Variants in UGT1A3 observed in about 807,000 individuals in gnomAD.
UGT1A3 encodes the protein UDP-glucuronosyltransferase 1A3.
Under a neutral mutation model 41.0 loss-of-function variants are expected in UGT1A3, and 31 were observed. That is an observed-to-expected ratio of 0.76 (90% confidence interval 0.57 to 1.02). The LOEUF (loss-of-function observed/expected upper bound fraction) is 1.02. UGT1A3 is among the 50% of genes least tolerant of loss of function. The pLI, the probability that UGT1A3 is intolerant of heterozygous loss-of-function variation, is 0.00. For missense variants in UGT1A3, 737 were observed against 671.0 expected, an observed-to-expected ratio of 1.10 and a Z score of -1.09; for synonymous variants, 262 against 257.6, an observed-to-expected ratio of 1.02 and a Z score of -0.17.
At chr2:233,735,613 C>G (rs2078673556) in intron 1 of UGT1A3, among the ~76,000 whole-genome samples, 1 of 152,148 alleles carries the variant, frequency 6.6e-6, no homozygotes, top group African/African-American at 2.4e-5. Context: ...CATCGATAGT[C>G]TTTACAATTT....
intron 1 of UGT1A3, among the ~76,000 whole-genome samples, chr2:233,766,597 G>A (rs1228112720): frequency 6.6e-6 from 1 of 152,126 alleles, no homozygotes; most frequent in Non-Finnish European, 1.5e-5. Flanking sequence ...CCTCGCCAGG[G>A]ACCACACCCT....
intron 1 of UGT1A3, among the ~76,000 whole-genome samples, chr2:233,763,903 G>C (rs779915264): frequency 2.2e-4 from 34 of 152,300 alleles, no homozygotes; most frequent in Middle Eastern, 3.4e-3. Flanking sequence ...CAGAAGATTA[G>C]TGAGGACCAA....
At chr2:233,768,722 A>G (rs1461787067) in intron 4 of UGT1A3, among the ~76,000 whole-genome samples, 1 of 150,864 alleles carries the variant, frequency 6.6e-6, no homozygotes, top group Non-Finnish European at 1.5e-5. Flanking sequence ...AGCTGGGATT[A>G]CAGGTGTCCA....
intron 4 of UGT1A3, chr2:233,770,675 A>T (rs1188149827): frequency 6.6e-6 from 1 of 151,870 alleles, no homozygotes; most frequent in African/African-American, 2.4e-5. Flanking sequence ...AAAAAAAAAA[A>T]GAAGGTTCCA....
chr2:233,754,791 C>T (rs1377566295), intron 1 of UGT1A3: 10 of 1,204,840 alleles, frequency 8.3e-6, no homozygotes, highest in Non-Finnish European at 1.0e-5. Context: ...GGAACGAAAT[C>T]CTGTATCAAA....
chr2:233,765,029 G>A (rs1326471824), intron 1 of UGT1A3, among the ~76,000 whole-genome samples: 1 of 152,048 alleles, frequency 6.6e-6, no homozygotes, highest in Non-Finnish European at 1.5e-5. Flanking sequence ...CAGGAGTCCT[G>A]CTGTGCAAAT....
In UGT1A3 at chr2:233,752,740, G is replaced by C. The variant is rs146813256; in HGVS notation, c.868-14294G>C. Among the ~76,000 whole-genome samples, 785 of 152,256 alleles carry C rather than the reference G, an allele frequency of 5.2e-3. 4 individuals are homozygous for C. Among genetic ancestry groups the C allele is most frequent in the Non-Finnish European group, 8.2e-3 (561 of 68,032 alleles). On this transcript the variant is annotated intron_variant, in intron 1 of 4. Coordinates refer to ENST00000482026, the MANE Select transcript of UGT1A3 (RefSeq NM_019093.4). ...GGCAACAGCTACAGAGAGAGACCCTGTCTCTAAAACAAACAAACAAACAAA... is the reference window on the plus strand; with the variant it reads ...GGCAACAGCTACAGAGAGAGACCCTCTCTCTAAAACAAACAAACAAACAAA...
In UGT1A3 at chr2:233,769,791, G is replaced by A; in HGVS notation, c.1307+1352G>A. 5 of 1,267,464 alleles carry A rather than the reference G, an allele frequency of 3.9e-6. No individual in the cohort carries two copies. The South Asian group carries it at 8.7e-5, about 22-fold the overall frequency. The allele number at this position is 1,267,464 out of a possible 1,614,324, so 78.5% of individuals were successfully genotyped here. On this transcript the variant is annotated intron_variant, in intron 4 of 4. Transcript: ENST00000482026. The surrounding 1 kb of genome is among the most constrained non-coding windows in gnomAD (Gnocchi z 4.4). ...GATTGCTTGAGCCCAGAAGTTGGAG[G>A]CTGCTATGAGCCGTGATCATGCCAC...
chr2:233,755,274 G>T, intron 1 of UGT1A3: 1 of 734,282 alleles, frequency 1.4e-6, no homozygotes, highest in Non-Finnish European at 2.1e-6. Flanking sequence ...CACTATGCTG[G>T]ACTGCCAAAG....
At chr2:233,742,372 A>C (rs1691957505) in intron 1 of UGT1A3, among the ~76,000 whole-genome samples, 1 of 152,034 alleles carries the variant, frequency 6.6e-6, no homozygotes, top group South Asian at 2.1e-4. Context: ...ACATGTCCTT[A>C]AGGCACAGAT....
In UGT1A3 at chr2:233,760,681, C is replaced by T. The variant is rs769242961; in HGVS notation, c.868-6353C>T. 2 of 1,614,246 alleles carry T rather than the reference C, an allele frequency of 1.2e-6. No homozygotes were observed. The highest frequency in any genetic ancestry group is 1.7e-6 in the Non-Finnish European group (2 of 1,180,048). Reference sequence around the variant, plus strand: ...TTTGTCTGGCTGTTCCCACTTACTGCACAACAAGGAGCTCATGGCCTCCCT... The same window carrying T: ...TTTGTCTGGCTGTTCCCACTTACTGTACAACAAGGAGCTCATGGCCTCCCT... On this transcript the variant is annotated intron_variant, in intron 1 of 4. Coordinates refer to ENST00000482026, the MANE Select transcript of UGT1A3 (RefSeq NM_019093.4).
At chr2:233,765,423 G>T (rs181881481) in intron 1 of UGT1A3, among the ~76,000 whole-genome samples, 1 of 152,168 alleles carries the variant, frequency 6.6e-6, no homozygotes, top group South Asian at 2.1e-4. Context: ...ATACTATGCA[G>T]CCATAACAAG....
Position 233,743,334 on chromosome 2 carries a change from A to G in UGT1A3, c.867+13341A>G, listed in dbSNP as rs568503727. Reference sequence around the variant, plus strand: ...TGATTTTTTTACCATCAACTATTTCAGTGGAAGTCGACATGGACTTGAAGC... The same window carrying G: ...TGATTTTTTTACCATCAACTATTTCGGTGGAAGTCGACATGGACTTGAAGC... On this transcript the variant is annotated intron_variant, in intron 1 of 4. Transcript: ENST00000482026. The G allele has an allele frequency of 4.6e-5, 36 of 779,716 alleles. 1 individual carries two copies. The highest frequency in any genetic ancestry group is 6.6e-5 in the Non-Finnish European group (34 of 513,604). The allele number at this position is 779,716 out of a possible 1,614,324, so 48.3% of individuals were successfully genotyped here.
At chr2:233,747,791 T>A in intron 1 of UGT1A3, 1 of 1,613,564 alleles carries the variant, frequency 6.2e-7, no homozygotes, top group Middle Eastern at 1.7e-4. Context: ...CTTCCTCCTA[T>A]ATTCCTAAGT....
rs563184062 is a variant in UGT1A3, at chr2:233,729,723, A to C, written c.597A>C (p.Thr199=). ...NPSSYIPRLL[T]TNSDHMTFMQ... is the part of the protein sequence containing the mutation. ...CCTCCTATATTCCTAGATTACTAACAACCAATTCAGACCACATGACATTCA... is the reference window on the plus strand; with the variant it reads ...CCTCCTATATTCCTAGATTACTAACCACCAATTCAGACCACATGACATTCA... The change falls in exon 1 of 5, where the codon ACA becomes ACC. Residue 199 remains threonine (T), a synonymous_variant. Transcript: ENST00000482026. The C allele has an allele frequency of 1.3e-5, 21 of 1,613,942 alleles. No individual in the cohort carries two copies. Among genetic ancestry groups the C allele is most frequent in the Non-Finnish European group, 1.7e-5 (20 of 1,179,866 alleles).
intron 1 of UGT1A3, among the ~76,000 whole-genome samples, chr2:233,731,931 T>A (rs963793811): frequency 5.3e-5 from 8 of 152,216 alleles, no homozygotes; most frequent in Non-Finnish European, 1.0e-4. Context: ...TTTCTCCACA[T>A]CCTCTCCAAC....
chr2:233,757,967 C>T (rs187620660), intron 1 of UGT1A3, among the ~76,000 whole-genome samples: 98 of 152,288 alleles, frequency 6.4e-4, no homozygotes, highest in African/African-American at 2.2e-3. Flanking sequence ...TGTGATTTCT[C>T]AGCCCCTAGA....
At chr2:233,764,342 C>T (rs1016981784) in intron 1 of UGT1A3, among the ~76,000 whole-genome samples, 3 of 152,154 alleles carry the variant, frequency 2.0e-5, no homozygotes, top group Admixed American at 1.3e-4. Context: ...ATGGACTTCA[C>T]CTTTATTGAG....
chr2:233,758,661 T>C (rs1290185814), intron 1 of UGT1A3, among the ~76,000 whole-genome samples: 2 of 152,178 alleles, frequency 1.3e-5, no homozygotes, highest in Non-Finnish European at 2.9e-5. Context: ...GGTACCCTAA[T>C]TACCTGTTAA....
Sources: allele counts gnomAD v4.1 joint callset (sites outside exome capture counted in the v4.1 genomes callset), GRCh38; gene constraint gnomAD v4.1.1; non-coding constraint Gnocchi (gnomAD v3.1); transcripts MANE v1.5; gene names NCBI Gene and HGNC (gene_info 2026-07-23, HGNC 2026-07-21).